LRRTM4: variants seen among roughly 807,000 people sequenced by gnomAD.
LRRTM4 encodes leucine-rich repeat transmembrane neuronal protein 4.
A neutral mutation model predicts 47.6 loss-of-function variants in LRRTM4; 25 were observed. That is an observed-to-expected ratio of 0.53 (90% CI 0.38 to 0.73). LRRTM4 has a LOEUF of 0.73. Ranked by LOEUF, LRRTM4 falls within the 30% of genes least tolerant of loss-of-function variation. LRRTM4 has a pLI of 0.00. For missense variants in LRRTM4, 638 were observed against 713.4 expected (o/e 0.89, Z 1.20); for synonymous variants, 311 against 269.5 (o/e 1.15, Z -1.51).
At chr2:77,231,814 C>T (rs182595020) in intron 3 of LRRTM4, among the ~76,000 whole-genome samples, 1 of 152,238 alleles carries the variant, frequency 6.6e-6, no homozygotes, top group African/African-American at 2.4e-5. Context: ...ATTATGTAAA[C>T]ACATGACTCT....
At position 76,765,618 on chromosome 2, in the gene LRRTM4, G is replaced by A. The variant is rs538651413; in HGVS notation, c.1552-16702C>T. Reference sequence around the variant, plus strand: ...TCTCTTTCCCCATGTGTACAAAGGAGAGGTCATGTGAGCACACTTGAGATC... The same window carrying A: ...TCTCTTTCCCCATGTGTACAAAGGAAAGGTCATGTGAGCACACTTGAGATC... On this transcript the variant is annotated intron_variant, in intron 3 of 3. Transcript: ENST00000409884. 4.6e-5 allele frequency among the ~76,000 whole-genome samples: 7 copies of A among 152,284 alleles called. No individual in the cohort carries two copies. In the South Asian group the frequency reaches 1.4e-3, roughly 32 times the overall value.
rs567487943 is a variant in LRRTM4 at position 77,161,095 on chromosome 2, T to C, written c.1551+357223A>G. 2.6e-5 allele frequency among the ~76,000 whole-genome samples: 4 copies of C among 152,266 alleles called. No individual in the cohort carries two copies. The South Asian group carries it at 8.3e-4, about 32-fold the overall frequency. On this transcript the variant is annotated intron_variant, in intron 3 of 3. Transcript: ENST00000409884. ...CAGGCAGCTATGACAAGCAGGGACC[T>C]CACCTTCCACAGACTTTTCTGCTAA...
chr2:76,986,560 G>T (rs1443893784), intron 3 of LRRTM4, among the ~76,000 whole-genome samples: 1 of 151,870 alleles, frequency 6.6e-6, no homozygotes, highest in South Asian at 2.1e-4. Flanking sequence ...TGAACATTTT[G>T]GGGGCATGGT....
intron 3 of LRRTM4, among the ~76,000 whole-genome samples, chr2:77,505,895 A>G (rs1379595270): frequency 6.6e-6 from 1 of 151,588 alleles, no homozygotes; most frequent in Non-Finnish European, 1.5e-5. Flanking sequence ...TTATTTCCAA[A>G]TTGATTCATA....
At chr2:77,321,559 G>GA (rs1238792592) in intron 3 of LRRTM4, among the ~76,000 whole-genome samples, 1 of 104,628 alleles carries the variant, frequency 9.6e-6, no homozygotes, top group African/African-American at 4.9e-5. Context: ...GGGAGGGGGG[G>GA]GGGTGTGTGA....
At chr2:77,043,502 C>T (rs988727902) in intron 3 of LRRTM4, among the ~76,000 whole-genome samples, 2 of 151,604 alleles carry the variant, frequency 1.3e-5, no homozygotes, top group African/African-American at 4.8e-5. Flanking sequence ...CCTAAAGATG[C>T]CTAAACGAAT....
chr2:76,870,275 G>C (rs539103630), intron 3 of LRRTM4, among the ~76,000 whole-genome samples: 1 of 152,228 alleles, frequency 6.6e-6, no homozygotes, highest in Admixed American at 6.5e-5. Flanking sequence ...TTGCTGAGTA[G>C]TCTGACAAGG....
chr2:77,192,241 T>A (rs1673689596), intron 3 of LRRTM4, among the ~76,000 whole-genome samples: 1 of 152,118 alleles, frequency 6.6e-6, no homozygotes, highest in African/African-American at 2.4e-5. Context: ...TTCAGCAAAA[T>A]AAAGAGCTAC....
intron 3 of LRRTM4, among the ~76,000 whole-genome samples, chr2:77,248,955 T>C (rs1240381595): frequency 1.3e-5 from 2 of 151,988 alleles, no homozygotes; most frequent in African/African-American, 4.8e-5. Flanking sequence ...AAAAATAACA[T>C]AGAAGAAAAT....
chr2:76,753,159 A>C (rs1672909106), intron 3 of LRRTM4, among the ~76,000 whole-genome samples: 1 of 152,176 alleles, frequency 6.6e-6, no homozygotes, highest in Non-Finnish European at 1.5e-5. Flanking sequence ...GAAAGGGAGG[A>C]ACCATTATGA....
chr2:77,406,959 C>G (rs745473233), intron 3 of LRRTM4, among the ~76,000 whole-genome samples: 2 of 152,120 alleles, frequency 1.3e-5, no homozygotes, highest in African/African-American at 4.8e-5. Flanking sequence ...AATTCTCTTT[C>G]AGGAGGCTGC....
chr2:77,065,974 G>C (rs566261419), intron 3 of LRRTM4, among the ~76,000 whole-genome samples: 1 of 152,236 alleles, frequency 6.6e-6, no homozygotes, highest in Non-Finnish European at 1.5e-5. Context: ...AATGTAAAAC[G>C]AGATCTAATA....
chr2:76,894,752 A>C (rs997003750), intron 3 of LRRTM4, among the ~76,000 whole-genome samples: 2 of 151,892 alleles, frequency 1.3e-5, no homozygotes, highest in Admixed American at 1.3e-4. Flanking sequence ...AAATTTGCTC[A>C]CCGAATATCT....
intron 3 of LRRTM4, among the ~76,000 whole-genome samples, chr2:77,178,423 C>T (rs967110483): frequency 1.1e-4 from 17 of 151,734 alleles, no homozygotes; most frequent in East Asian, 1.9e-4. Context: ...CCGTCTCTAC[C>T]GAAAAAACAA....
At chr2:76,886,562 G>T (rs1673082356) in intron 3 of LRRTM4, among the ~76,000 whole-genome samples, 1 of 152,128 alleles carries the variant, frequency 6.6e-6, no homozygotes, top group South Asian at 2.1e-4. Flanking sequence ...TTTACTTAAA[G>T]ATGACATATT....
rs756399840 is a variant in LRRTM4 at position 77,049,174 on chromosome 2, C to CACACT, written c.1552-300259_1552-300258insAGTGT. Among the ~76,000 whole-genome samples the CACACT allele has an allele frequency of 2.3e-3, 263 of 114,454 alleles. 9 individuals are homozygous for CACACT. In the East Asian group the frequency reaches 0.024, roughly 10 times the overall value. The allele number at this position is 114,454 out of a possible 152,430, so 75.1% of individuals were successfully genotyped here. Reference sequence around the variant, plus strand: ...TATATATATACACACACACACACACCACATTTTCTTTATCCATTCATCTAT... The same window carrying CACACT: ...TATATATATACACACACACACACACCACACTACATTTTCTTTATCCATTCATCTAT... On this transcript the variant is annotated intron_variant, in intron 3 of 3. Transcript: ENST00000409884.
At chr2:77,421,685 C>A (rs190296379) in intron 3 of LRRTM4, among the ~76,000 whole-genome samples, 2 of 150,780 alleles carry the variant, frequency 1.3e-5, no homozygotes, top group Non-Finnish European at 2.9e-5. Context: ...CCAGCCTGGG[C>A]GGCAGAGGGA....
intron 3 of LRRTM4, among the ~76,000 whole-genome samples, chr2:76,962,557 TGTG>T (rs1214369321): frequency 6.6e-6 from 1 of 150,866 alleles, no homozygotes; most frequent in Non-Finnish European, 1.5e-5. Context: ...GCTGAACTTT[TGTG>T]GTGAAGTGAC....
chr2:76,781,405 A>G (rs982201364), intron 3 of LRRTM4, among the ~76,000 whole-genome samples: 9 of 151,404 alleles, frequency 5.9e-5, no homozygotes, highest in South Asian at 2.1e-4. Context: ...AATCAGCGAG[A>G]CTCCGTGGGC....
Sources: allele counts gnomAD v4.1 joint callset (sites outside exome capture counted in the v4.1 genomes callset), GRCh38; gene constraint gnomAD v4.1.1; transcripts MANE v1.5; gene names NCBI Gene and HGNC (gene_info 2026-07-23, HGNC 2026-07-21).